The following CACNA1C variants were observed in gnomAD, a reference collection of about 807,000 sequenced individuals.
CACNA1C encodes voltage-dependent L-type calcium channel subunit alpha-1C.
A neutral mutation model predicts 229.0 loss-of-function variants in CACNA1C; 30 were observed. The observed-to-expected ratio is 0.13, with a 90% CI of 0.10 to 0.18. CACNA1C has a LOEUF of 0.18. Ranked by LOEUF, CACNA1C falls within the 10% of genes least tolerant of loss-of-function variation. The pLI, the probability that CACNA1C is intolerant of heterozygous loss-of-function variation, is 1.00. For missense variants in CACNA1C, 1,658 were observed against 2,845.0 expected (o/e 0.58, Z 9.49); for synonymous variants, 1,114 against 1,132.5 (o/e 0.98, Z 0.33).
chr12:2,462,142 C>T (rs183412480), intron 5 of CACNA1C, among the ~76,000 whole-genome samples: 63 of 148,186 alleles, frequency 4.3e-4, no homozygotes, highest in South Asian at 1.3e-3. Context: ...CTCCAACATT[C>T]CAAGCTCACC....
intron 1 of CACNA1C, chr12:2,004,541 G>A (rs1378301564): frequency 1.8e-5 from 27 of 1,464,742 alleles, no homozygotes; most frequent in Non-Finnish European, 2.4e-5. Context: ...CACACGGCCC[G>A]GGAGGCCTTC....
chr12:2,620,882 TG>T (rs2082876096), intron 29 of CACNA1C, among the ~76,000 whole-genome samples: 1 of 152,178 alleles, frequency 6.6e-6, no homozygotes, highest in South Asian at 2.1e-4. Flanking sequence ...CATGCATGCA[TG>T]AATGGATGAA....
At chr12:2,438,533 G>T (rs1596299462) in intron 3 of CACNA1C, among the ~76,000 whole-genome samples, 2 of 151,996 alleles carry the variant, frequency 1.3e-5, no homozygotes, top group Non-Finnish European at 2.9e-5. Context: ...GGAGAAAGTG[G>T]CAGGGATGGG....
chr12:2,645,577 C>G (rs1320175873), intron 30 of CACNA1C, among the ~76,000 whole-genome samples: 2 of 152,122 alleles, frequency 1.3e-5, no homozygotes, highest in Non-Finnish European at 2.9e-5. Flanking sequence ...TTTGCCAAGG[C>G]GAAAGGGTAC....
chr12:2,213,924 C>T (rs1198604166), intron 3 of CACNA1C, among the ~76,000 whole-genome samples: 2 of 152,182 alleles, frequency 1.3e-5, no homozygotes, highest in African/African-American at 4.8e-5. Flanking sequence ...AGATTTGAGC[C>T]GGTTTTTACA....
chr12:2,482,013 G>A (rs950670886), intron 5 of CACNA1C, among the ~76,000 whole-genome samples: 4 of 152,258 alleles, frequency 2.6e-5, no homozygotes, highest in Non-Finnish European at 5.9e-5. Flanking sequence ...ATTAGAACTT[G>A]AGTTGGAGGA....
chr12:2,061,358 A>G lies in CACNA1C; in HGVS notation c.49+7747A>G, dbSNP rs7959427. Among the ~76,000 whole-genome samples the G allele has an allele frequency of 6.8e-3, 1,035 of 152,324 alleles. 6 individuals carry two copies. The highest frequency in any genetic ancestry group is 0.024 in the African/African-American group (986 of 41,564). On this transcript the variant is annotated intron_variant, in intron 1 of 46. Coordinates refer to ENST00000399655, the MANE Select transcript of CACNA1C (RefSeq NM_000719.7). ...TTGGAGGTGTTGTGGGAGGGCTGAC[A>G]TTATTCAATATTTTAAAGGTGAAAA...
intron 34 of CACNA1C, 104 bp downstream of exon 34, chr12:2,655,342 A>G: frequency 1.5e-6 from 1 of 685,296 alleles, no homozygotes; most frequent in Non-Finnish European, 2.5e-6. Flanking sequence ...GGGGAGTAGG[A>G]AGGGAGAGGA....
chr12:2,290,620 T>C (rs190925353), intron 3 of CACNA1C, among the ~76,000 whole-genome samples: 45 of 152,320 alleles, frequency 3.0e-4, no homozygotes, highest in African/African-American at 1.1e-3. Flanking sequence ...TTAATTGTAC[T>C]GTCCATGGAC....
intron 3 of CACNA1C, among the ~76,000 whole-genome samples, chr12:2,408,040 C>T (rs1321202908): frequency 2.6e-5 from 4 of 152,172 alleles, no homozygotes; most frequent in Admixed American, 1.3e-4. Flanking sequence ...ACTCTTTTGC[C>T]GGGGTGGCAT....
intron 10 of CACNA1C, chr12:2,550,580 G>T: frequency 1.5e-6 from 2 of 1,351,796 alleles, no homozygotes; most frequent in Non-Finnish European, 2.0e-6. Flanking sequence ...CTGCTGTTCT[G>T]TTGCCTTGGG....
chr12:2,420,186 T>G (rs2098964286), intron 3 of CACNA1C, among the ~76,000 whole-genome samples: 1 of 144,782 alleles, frequency 6.9e-6, no homozygotes, highest in African/African-American at 2.7e-5. Flanking sequence ...GAATACCAGA[T>G]AATAAAGAGC....
At chr12:2,021,800 T>G (rs1384262260) in intron 1 of CACNA1C, among the ~76,000 whole-genome samples, 1 of 152,164 alleles carries the variant, frequency 6.6e-6, no homozygotes, top group East Asian at 1.9e-4. Context: ...AAGAGAGAGA[T>G]ATGCAAGTCC....
intron 1 of CACNA1C, among the ~76,000 whole-genome samples, chr12:1,994,891 T>G (rs2040418829): frequency 6.6e-6 from 1 of 152,080 alleles, no homozygotes; most frequent in African/African-American, 2.4e-5. Context: ...CCAGCTCCAT[T>G]CCCTGTAACA....
chr12:2,256,777 T>G (rs2078060612), intron 3 of CACNA1C, among the ~76,000 whole-genome samples: 1 of 152,142 alleles, frequency 6.6e-6, no homozygotes, highest in Non-Finnish European at 1.5e-5. Flanking sequence ...CTGGAAAAAT[T>G]CAGGAGATTC....
At chr12:2,413,838 G>A (rs1053765066) in intron 3 of CACNA1C, among the ~76,000 whole-genome samples, 1 of 152,164 alleles carries the variant, frequency 6.6e-6, no homozygotes, top group Non-Finnish European at 1.5e-5. Context: ...AATGCCTCCC[G>A]TTCCTGAGCT....
chr12:2,045,063 T>C (rs1219540621), intron 1 of CACNA1C, among the ~76,000 whole-genome samples: 1 of 152,102 alleles, frequency 6.6e-6, no homozygotes, highest in African/African-American at 2.4e-5. Context: ...AGCTGAAATA[T>C]GGAAGGAAAG....
rs3062140 is a variant in CACNA1C at position 2,602,630 on chromosome 12, T to TTGTGTG, written c.2960+705_2960+710dup. On this transcript the variant is annotated intron_variant, in intron 22 of 46. Transcript: ENST00000399655. This position sits in a 1 kb window ranked among gnomAD's most constrained non-coding sequence, Gnocchi z 4.4. The stretch of plus-strand genomic sequence containing the variant: ...GTGTGTGACTGTGTATATTTGTGTC[T>TTGTGTG]TGTGTGTGTGTGTGTGTGTGTGTGT... 2.2e-3 allele frequency among the ~76,000 whole-genome samples: 314 copies of TTGTGTG among 140,900 alleles called. No homozygotes were observed. The highest frequency in any genetic ancestry group is 8.3e-3 in the African/African-American group (300 of 36,218). The allele number at this position is 140,900 out of a possible 152,430, so 92.4% of individuals were successfully genotyped here.
rs148580745 is a variant in CACNA1C at position 2,302,602 on chromosome 12, G to A, written c.478-146374G>A. Among the ~76,000 whole-genome samples, 1,109 of 152,190 alleles carry A rather than the reference G, an allele frequency of 7.3e-3. 9 individuals are homozygous for A. The highest frequency in any genetic ancestry group is 0.01 in the Middle Eastern group (3 of 294). On this transcript the variant is annotated intron_variant, in intron 3 of 46. Coordinates refer to ENST00000399655, the MANE Select transcript of CACNA1C (RefSeq NM_000719.7). ...TGCTCCACCAGTGAGCCAGGGCTTG[G>A]GATGGGTAGCGTGCCAACAGGGAGT...
Sources: allele counts gnomAD v4.1 joint callset (sites outside exome capture counted in the v4.1 genomes callset), GRCh38; gene constraint gnomAD v4.1.1; non-coding constraint Gnocchi (gnomAD v3.1); transcripts MANE v1.5; gene names NCBI Gene and HGNC (gene_info 2026-07-23, HGNC 2026-07-21).